The following ETNPPL variants were observed in gnomAD, a reference collection of about 807,000 sequenced individuals.
ETNPPL encodes alanine--glyoxylate aminotransferase 2-like 1.
In ETNPPL, 30 loss-of-function variants were observed where a neutral mutation model predicts 55.5. The ratio of observed to expected loss-of-function variants is 0.54; its 90% CI spans 0.40 to 0.73. The LOEUF is 0.73. Ranked by LOEUF, ETNPPL falls within the 30% of genes least tolerant of loss-of-function variation. The pLI is 0.00. For synonymous variants in ETNPPL, 202 were observed against 207.2 expected (o/e 0.98, Z 0.21); for missense variants, 528 against 607.9 (o/e 0.87, Z 1.38).
rs774157614 is a variant in ETNPPL, at chr4:108,762,943, T to C, written c.-45A>G. ...CTGCGAAGGTGCAAGGTGCAAGGTC[T>C]GCGCGCCTCCTACGCGAGCCTGGGA... On this transcript the variant is annotated 5_prime_UTR_variant, in exon 1 of 13. Transcript: ENST00000296486. 6.3e-7 allele frequency: 1 copy of C among 1,587,220 alleles called. No individual in the cohort carries two copies. Among genetic ancestry groups the C allele is most frequent in the East Asian group, 2.2e-5 (1 of 44,626 alleles).
chr4:108,757,623 A>G (rs1236023474), intron 3 of ETNPPL, among the ~76,000 whole-genome samples: 1 of 152,190 alleles, frequency 6.6e-6, no homozygotes, highest in Non-Finnish European at 1.5e-5. Context: ...TAATAAAGTA[A>G]TTTTTTAAAT....
At chr4:108,753,800 G>GAAAAGA (rs1553934252) in intron 5 of ETNPPL, among the ~76,000 whole-genome samples, 1 of 109,032 alleles carries the variant, frequency 9.2e-6, no homozygotes, top group Admixed American at 8.7e-5. Flanking sequence ...AAGAAAGAAA[G>GAAAAGA]AAAGAAAAGA....
chr4:108,753,041 T>A, intron 5 of ETNPPL, 30 bp from the exon 6 acceptor site: 1 of 1,311,490 alleles, frequency 7.6e-7, no homozygotes, highest in Non-Finnish European at 1.1e-6. Flanking sequence ...CAGTTGCTTG[T>A]AATTTGCCTT....
chr4:108,749,089 A>G (rs557481056), intron 8 of ETNPPL, 149 bp downstream of exon 8: 1 of 557,012 alleles, frequency 1.8e-6, no homozygotes, highest in Non-Finnish European at 3.2e-6. Flanking sequence ...AGTATTTAAG[A>G]TGTTTTATTA....
chr4:108,752,834 C>G, intron 6 of ETNPPL, 61 bp downstream of exon 6: 3 of 951,800 alleles, frequency 3.2e-6, no homozygotes, highest in Admixed American at 2.0e-5. Context: ...CAGTGAATCC[C>G]AACAGTTTTA....
At position 108,743,811 on chromosome 4, in the gene ETNPPL, T is replaced by G. The variant is rs761832125; in HGVS notation, c.1349A>C (p.Glu450Ala). ...TACCTTTGTTTTGCATGGAGTATTCTCAGAGGTCACACTTTCGGTTTTGGT... is the reference window on the plus strand; with the variant it reads ...TACCTTTGTTTTGCATGGAGTATTCGCAGAGGTCACACTTTCGGTTTTGGT... The part of the protein sequence containing the change: ...MGTKTESVTS[E>A]NTPCKTKMLK... Residue 450 changes from glutamate to alanine, a missense_variant, in exon 12 of 13, where the codon GAG becomes GCG. Physicochemically the swap from Glu to Ala is moderately radical, Grantham distance 107. Coordinates refer to ENST00000296486, the MANE Select transcript of ETNPPL (RefSeq NM_031279.4). The G allele has an allele frequency of 6.2e-7, 1 of 1,611,820 alleles. No individual in the cohort carries two copies.
intron 11 of ETNPPL, among the ~76,000 whole-genome samples, chr4:108,745,158 T>G (rs190552332): frequency 6.6e-6 from 1 of 152,270 alleles, no homozygotes; most frequent in Non-Finnish European, 1.5e-5. Flanking sequence ...AACAAAAAAA[T>G]AAATTAACCT....
rs949760301 is a variant in ETNPPL at position 108,749,300 on chromosome 4, C to T, written c.865G>A (p.Val289Met). ...TCTGCAATTTCTTTGGTTGTTACCA[C>T]ACATGCCACCGGGTGGCCGTTGCCC... ...PMGNGHPVAC[V>M]VTTKEIAEAF... Residue 289 changes from valine to methionine, a missense_variant, in exon 8 of 13, where the codon GTG becomes ATG. Transcript: ENST00000296486. 1.4e-5 allele frequency: 22 copies of T among 1,614,058 alleles called. No individual in the cohort carries two copies. Among genetic ancestry groups the T allele is most frequent in the Non-Finnish European group, 1.8e-5 (21 of 1,180,042 alleles).
chr4:108,750,492 C>A (rs1026920092), intron 7 of ETNPPL, among the ~76,000 whole-genome samples: 1 of 78,316 alleles, frequency 1.3e-5, no homozygotes, highest in African/African-American at 4.5e-5. Flanking sequence ...TACTTAATAC[C>A]GCCGTGTGTG....
intron 8 of ETNPPL, 35 bp from the exon 9 acceptor site, chr4:108,748,194 C>A (rs1327843747): frequency 1.3e-6 from 2 of 1,512,192 alleles, no homozygotes; most frequent in South Asian, 1.3e-5. Context: ...AGAAAATATA[C>A]CAGTTGAATG....
At chr4:108,756,278 A>G (rs73840706) in intron 4 of ETNPPL, 140 bp downstream of exon 4, 28,179 of 590,860 alleles carry the variant, frequency 0.048, 1,748 homozygotes, top group African/African-American at 0.21. Flanking sequence ...AGCTTAATAC[A>G]TAATTTTTAA....
chr4:108,753,357 G>A (rs1000707451), intron 5 of ETNPPL, among the ~76,000 whole-genome samples: 14 of 152,140 alleles, frequency 9.2e-5, no homozygotes, highest in East Asian at 3.9e-4. Flanking sequence ...AGCCAACACC[G>A]ATCAACTATA....
Position 108,748,041 on chromosome 4 carries a change from T to G in ETNPPL, c.1046A>C (p.Lys349Thr). The G allele has an allele frequency of 3.1e-6, 5 of 1,611,562 alleles. No homozygotes were observed. The highest frequency in any genetic ancestry group is 3.4e-6 in the Non-Finnish European group (4 of 1,179,168). Residue 349 changes from lysine to threonine, a missense_variant, in exon 9 of 13, where the codon AAA becomes ACA. By Grantham distance (78) the Lys-to-Thr change is moderately conservative. Transcript: ENST00000296486. Reference sequence around the variant, plus strand: ...TATCAAAGTGTGTTTAGCCTTCTGTTTTTTCAGTAACTCAGTGAGATAATT... The same window carrying G: ...TATCAAAGTGTGTTTAGCCTTCTGTGTTTTCAGTAACTCAGTGAGATAATT... ...VGNYLTELLK[K>T]QKAKHTLIGD...
chr4:108,748,639 G>A lies in ETNPPL; in HGVS notation c.928-480C>T, dbSNP rs1200645999. Among the ~76,000 whole-genome samples, 47 of 152,092 alleles carry A rather than the reference G, an allele frequency of 3.1e-4. 1 individual carries two copies. Among genetic ancestry groups the A allele is most frequent in the Admixed American group, 3.0e-3 (46 of 15,264 alleles). ...TAATTTTTCCAAGCTTAAAGCTTAT[G>A]GGGATAAGTCAAAAAAATATAATAT... On this transcript the variant is annotated intron_variant, in intron 8 of 12. Coordinates refer to ENST00000296486, the MANE Select transcript of ETNPPL (RefSeq NM_031279.4).
intron 3 of ETNPPL, 118 bp from the exon 4 acceptor site, chr4:108,756,610 G>A (rs1188997644): frequency 2.8e-6 from 2 of 717,144 alleles, no homozygotes; most frequent in African/African-American, 1.8e-5. Context: ...GCCAAGGAGG[G>A]CCGATTGCCT....
chr4:108,763,027 C>G lies in ETNPPL; in HGVS notation c.-129G>C, dbSNP rs573604717. 282 of 800,324 alleles carry G rather than the reference C, an allele frequency of 3.5e-4. No individual in the cohort carries two copies. In the African/African-American group the frequency reaches 4.4e-3, roughly 12 times the overall value. 49.6% of individuals were successfully genotyped at this position (800,324 alleles called of 1,614,324 possible). A position where few individuals can be genotyped will look rare whatever the true frequency, so the allele number is the denominator to read the frequency against. ...TTATCCCTCCTGGCGTTCTCTTGCC[C>G]GGGGCGTCGGAGGTCACCGGTGGCG... is the stretch of plus-strand genomic sequence containing the variant. On this transcript the variant is annotated 5_prime_UTR_variant, in exon 1 of 13. Coordinates refer to ENST00000296486, the MANE Select transcript of ETNPPL (RefSeq NM_031279.4).
At chr4:108,761,618 C>T (rs919004236) in intron 1 of ETNPPL, among the ~76,000 whole-genome samples, 2 of 152,222 alleles carry the variant, frequency 1.3e-5, no homozygotes, top group African/African-American at 4.8e-5. Context: ...CATGGCTACA[C>T]TCGTGCTTTT....
intron 11 of ETNPPL, among the ~76,000 whole-genome samples, chr4:108,745,865 A>T (rs1170160821): frequency 7.2e-6 from 1 of 139,650 alleles, no homozygotes; most frequent in Non-Finnish European, 1.5e-5. Flanking sequence ...CGGGAGGCGG[A>T]GGCTGCAGTG....
chr4:108,747,237 TATA>T (rs1235709010), intron 9 of ETNPPL, among the ~76,000 whole-genome samples: 2 of 43,228 alleles, frequency 4.6e-5, no homozygotes, highest in Non-Finnish European at 3.3e-5. Context: ...TATATATATA[TATA>T]ATATATATAT....
Sources: allele counts gnomAD v4.1 joint callset (sites outside exome capture counted in the v4.1 genomes callset), GRCh38; gene constraint gnomAD v4.1.1; transcripts MANE v1.5; gene names NCBI Gene and HGNC (gene_info 2026-07-23, HGNC 2026-07-21).